FAXC: variants seen among roughly 807,000 people sequenced by gnomAD.
The protein encoded by FAXC is failed axon connections homolog.
In FAXC, 10 loss-of-function variants were observed where a neutral mutation model predicts 41.9. That is an observed-to-expected ratio of 0.24 (90% CI 0.15 to 0.41). The LOEUF (loss-of-function observed/expected upper bound fraction) is 0.41. FAXC is among the 10% of genes least tolerant of loss of function. The pLI is 1.00. For missense variants in FAXC, 399 were observed against 510.9 expected (o/e 0.78, Z 2.11); for synonymous variants, 183 against 183.8 (o/e 1.00, Z 0.03).
intron 4 of FAXC, among the ~76,000 whole-genome samples, chr6:99,310,187 C>A (rs189746297): frequency 1.3e-5 from 2 of 152,232 alleles, no homozygotes; most frequent in Non-Finnish European, 2.9e-5. Context: ...GTGTACCATG[C>A]AGACAGACCG....
Position 99,272,577 on chromosome 6 carries a change from TTCTC to T in FAXC, c.*8583_*8586del, listed in dbSNP as rs1314034363. 2.0e-5 allele frequency: 3 copies of T among 152,350 alleles called. No homozygotes were observed. Among genetic ancestry groups the T allele is most frequent in the East Asian group, 3.9e-4 (2 of 5,188 alleles). The allele number at this position is 152,350 out of a possible 1,614,324, so 9.4% of individuals were successfully genotyped here. A position where few individuals can be genotyped will look rare whatever the true frequency, so the allele number is the denominator to read the frequency against. On this transcript the variant is annotated 3_prime_UTR_variant, in exon 6 of 6. Transcript: ENST00000389677. Reference sequence around the variant, plus strand: ...CCCAGCTCTCCCTCTCCTCCTTGTCTTCTCTCTACCAGTGGTTCTCACACTTCGT... The same window carrying T: ...CCCAGCTCTCCCTCTCCTCCTTGTCTTCTACCAGTGGTTCTCACACTTCGT...
chr6:99,318,467 T>C (rs948311466), intron 4 of FAXC, among the ~76,000 whole-genome samples: 8 of 152,100 alleles, frequency 5.3e-5, no homozygotes, highest in Non-Finnish European at 1.0e-4. Context: ...GATGGGAAAA[T>C]ATATTTTTTA....
chr6:99,331,452 C>G (rs1362766038), intron 3 of FAXC, among the ~76,000 whole-genome samples: 1 of 152,070 alleles, frequency 6.6e-6, no homozygotes, highest in Non-Finnish European at 1.5e-5. Context: ...ATGGAAAGGG[C>G]AGGGCAGGGA....
intron 5 of FAXC, 48 bp downstream of exon 5, chr6:99,291,656 A>AC: frequency 2.2e-6 from 3 of 1,355,938 alleles, no homozygotes; most frequent in Non-Finnish European, 3.2e-6. Context: ...CCCACTGCCC[A>AC]CCCAGCCCCA....
rs1166195674 is a variant in FAXC, at chr6:99,291,908, T to C, written c.824-88A>G. 3.8e-5 allele frequency: 36 copies of C among 941,788 alleles called. 1 individual carries two copies. Among genetic ancestry groups the C allele is most frequent in the Admixed American group, 8.9e-5 (5 of 55,920 alleles). 58.3% of individuals were successfully genotyped at this position (941,788 alleles called of 1,614,324 possible). ...GCATTTAGCACATTCTATTACATAT[T>C]CCTTTACTGATACCAAAAAGCTTTG... On this transcript the variant is annotated intron_variant, in intron 4 of 5. Transcript: ENST00000389677.
In FAXC at chr6:99,349,642, C is replaced by T. The variant is rs1157767444; in HGVS notation, c.-270G>A. ...GGCTCCCCCCGCAGCTGCCTCTCCG[C>T]CCCGCTCTTTGTGTCGGCGCCTGGA... On this transcript the variant is annotated 5_prime_UTR_variant, in exon 1 of 6. Transcript: ENST00000389677. 2 of 152,382 alleles carry T rather than the reference C, an allele frequency of 1.3e-5. No individual in the cohort carries two copies. The highest frequency in any genetic ancestry group is 4.8e-5 in the African/African-American group (2 of 41,380). The allele number at this position is 152,382 out of a possible 1,614,324, so 9.4% of individuals were successfully genotyped here.
chr6:99,322,853 G>C (rs909533791), intron 4 of FAXC, among the ~76,000 whole-genome samples: 1 of 152,138 alleles, frequency 6.6e-6, no homozygotes, highest in Non-Finnish European at 1.5e-5. Context: ...TTCTCTTTTA[G>C]TGGTTTCCCA....
intron 4 of FAXC, among the ~76,000 whole-genome samples, chr6:99,321,498 A>T (rs1225203432): frequency 6.6e-6 from 1 of 152,184 alleles, no homozygotes; most frequent in African/African-American, 2.4e-5. Flanking sequence ...TCCCTCCCCA[A>T]ATATAGAAAA....
At chr6:99,336,616 T>C (rs1021616326) in intron 2 of FAXC, among the ~76,000 whole-genome samples, 10 of 152,192 alleles carry the variant, frequency 6.6e-5, no homozygotes, top group African/African-American at 1.9e-4. Context: ...ATATACTACA[T>C]TATTAGCATG....
At chr6:99,320,826 T>A (rs1772558864) in intron 4 of FAXC, among the ~76,000 whole-genome samples, 1 of 152,124 alleles carries the variant, frequency 6.6e-6, no homozygotes, top group African/African-American at 2.4e-5. Context: ...CACTGCCGCC[T>A]CATCTACGGC....
At chr6:99,294,159 A>C (rs12194940) in intron 4 of FAXC, among the ~76,000 whole-genome samples, 6,924 of 152,252 alleles carry the variant, frequency 0.045, 191 homozygotes, top group Non-Finnish European at 0.059. Flanking sequence ...ATTGTCAACC[A>C]ACTTCTCCAT....
intron 4 of FAXC, among the ~76,000 whole-genome samples, chr6:99,321,380 C>A (rs1445586119): frequency 6.6e-6 from 1 of 152,162 alleles, no homozygotes; most frequent in Non-Finnish European, 1.5e-5. Flanking sequence ...TGAGCCACAT[C>A]CGTGGGGATG....
intron 2 of FAXC, among the ~76,000 whole-genome samples, chr6:99,339,140 A>G (rs571063306): frequency 4.1e-4 from 62 of 152,332 alleles, no homozygotes; most frequent in African/African-American, 1.5e-3. Context: ...GAGGAGTAAT[A>G]TCATTATTGG....
chr6:99,320,424 A>G (rs980524032), intron 4 of FAXC, among the ~76,000 whole-genome samples: 1 of 152,128 alleles, frequency 6.6e-6, no homozygotes, highest in Non-Finnish European at 1.5e-5. Context: ...TGTAGTTTGA[A>G]TTTCATTTAT....
In FAXC at chr6:99,294,905, TA is replaced by T. The variant is rs367568217; in HGVS notation, c.824-3086del. Among the ~76,000 whole-genome samples the T allele has an allele frequency of 7.0e-3, 1,073 of 152,320 alleles. 15 individuals carry two copies. Among genetic ancestry groups the T allele is most frequent in the African/African-American group, 0.025 (1,028 of 41,560 alleles). On this transcript the variant is annotated intron_variant, in intron 4 of 5. Coordinates refer to ENST00000389677, the MANE Select transcript of FAXC (RefSeq NM_032511.4). ...AATTCGCCATCTGGCTTCGAAATGT[TA>T]AAACTGGAAGGACACTGAGTTAGTG...
chr6:99,323,295 GA>G (rs1772657774), intron 4 of FAXC, 148 bp downstream of exon 4: 1 of 657,954 alleles, frequency 1.5e-6, no homozygotes, highest in Admixed American at 2.9e-5. Flanking sequence ...AAAATTAGAG[GA>G]TTTGGTTAAA....
At chr6:99,310,630 T>C (rs1772117431) in intron 4 of FAXC, among the ~76,000 whole-genome samples, 1 of 152,252 alleles carries the variant, frequency 6.6e-6, no homozygotes, top group African/African-American at 2.4e-5. Context: ...ACTTTCAATG[T>C]CTATGGTTTT....
chr6:99,295,967 C>T (rs1419879049), intron 4 of FAXC, among the ~76,000 whole-genome samples: 2 of 152,244 alleles, frequency 1.3e-5, no homozygotes, highest in East Asian at 3.9e-4. Context: ...TTGTGAGTTT[C>T]AATTTCTCTC....
chr6:99,330,912 A>C (rs1773004694), intron 3 of FAXC, among the ~76,000 whole-genome samples: 1 of 152,212 alleles, frequency 6.6e-6, no homozygotes, highest in African/African-American at 2.4e-5. Context: ...AGGGAAGAGT[A>C]TCTGAAGATT....
Sources: allele counts gnomAD v4.1 joint callset (sites outside exome capture counted in the v4.1 genomes callset), GRCh38; gene constraint gnomAD v4.1.1; transcripts MANE v1.5; gene names NCBI Gene and HGNC (gene_info 2026-07-23, HGNC 2026-07-21).